Variants in TMPRSS15 observed in about 807,000 individuals in gnomAD.
The protein encoded by TMPRSS15 is enteropeptidase.
Under a neutral mutation model 125.3 loss-of-function variants are expected in TMPRSS15, and 128 were observed. That is an observed-to-expected ratio of 1.02 (90% CI 0.89 to 1.18). The LOEUF (loss-of-function observed/expected upper bound fraction) is 1.18, where lower values mean the gene tolerates loss of function less well. Ranked by LOEUF, TMPRSS15 falls within the 50% of genes most tolerant of loss-of-function variation. The pLI is 0.00. For missense variants in TMPRSS15, 1,283 were observed against 1,212.7 expected, an observed-to-expected ratio of 1.06 and a Z score of -0.86; for synonymous variants, 446 against 423.2, an observed-to-expected ratio of 1.05 and a Z score of -0.66.
chr21:18,456,195 G>A (rs1368952385), intron 1 of TMPRSS15, among the ~76,000 whole-genome samples: 1 of 152,218 alleles, frequency 6.6e-6, no homozygotes, highest in East Asian at 1.9e-4. Context: ...AATTTAAGTA[G>A]TGAGTAAAAT....
At chr21:18,338,396 C>G (rs1034218445) in intron 13 of TMPRSS15, among the ~76,000 whole-genome samples, 17 of 152,096 alleles carry the variant, frequency 1.1e-4, no homozygotes, top group Non-Finnish European at 2.5e-4. Context: ...CAAAATGTTG[C>G]TGATATTTGG....
chr21:18,396,853 A>ATCT (rs1569055772), intron 3 of TMPRSS15, among the ~76,000 whole-genome samples: 4 of 107,770 alleles, frequency 3.7e-5, no homozygotes, highest in Non-Finnish European at 7.6e-5. Context: ...TATCTATCTT[A>ATCT]AGTCACAAAA....
intron 23 of TMPRSS15, among the ~76,000 whole-genome samples, chr21:18,276,387 G>C (rs1032326453): frequency 6.6e-6 from 1 of 152,140 alleles, no homozygotes; most frequent in African/African-American, 2.4e-5. Context: ...AGTGAACATG[G>C]AGTAAACATT....
At chr21:18,307,622 C>A (rs1242232153) in intron 18 of TMPRSS15, among the ~76,000 whole-genome samples, 1 of 152,002 alleles carries the variant, frequency 6.6e-6, no homozygotes, top group Non-Finnish European at 1.5e-5. Flanking sequence ...GGAACACATA[C>A]AATATCATCA....
rs746007866 is a variant in TMPRSS15 at position 18,353,737 on chromosome 21, C to T, written c.1007G>A (p.Ser336Asn). Residue 336 changes from serine to asparagine, a missense_variant, in exon 9 of 25, where the codon AGC becomes AAC. Ser to Asn is a conservative substitution (Grantham distance 46). Transcript: ENST00000284885. ...GFNATYTAFN[S>N]SELNNYEKIN... ...ATAATACTTACTATTAAGCTCACTG[C>T]TGTTAAATGCAGTATATGTTGCATT... is the stretch of plus-strand genomic sequence containing the variant. 3.7e-6 allele frequency: 6 copies of T among 1,610,760 alleles called. No individual in the cohort carries two copies. The highest frequency in any genetic ancestry group is 1.1e-5 in the South Asian group (1 of 90,900).
At chr21:18,419,220 CTTTTTTT>C (rs540004490) in intron 1 of TMPRSS15, among the ~76,000 whole-genome samples, 2 of 108,618 alleles carry the variant, frequency 1.8e-5, no homozygotes, top group African/African-American at 3.5e-5. Context: ...GACATTTCCT[CTTTTTTT>C]TTTTTTTTTT....
At chr21:18,428,295 A>C (rs2076208149) in intron 1 of TMPRSS15, among the ~76,000 whole-genome samples, 1 of 152,222 alleles carries the variant, frequency 6.6e-6, no homozygotes, top group Non-Finnish European at 1.5e-5. Flanking sequence ...GAAGCTGAGC[A>C]TAAAAGTTTG....
Position 18,312,222 on chromosome 21 carries a change from C to G in TMPRSS15, c.2165+723G>C, listed in dbSNP as rs192287671. Among the ~76,000 whole-genome samples, 47 of 152,048 alleles carry G rather than the reference C, an allele frequency of 3.1e-4. No homozygotes were observed. In the Middle Eastern group the frequency reaches 0.01, roughly 33 times the overall value. On this transcript the variant is annotated intron_variant, in intron 18 of 24. Coordinates refer to ENST00000284885, the MANE Select transcript of TMPRSS15 (RefSeq NM_002772.3). ...GTATGTTATTACTGCTCATTACTTT[C>G]ATTTTCTACCTAATTACTTAATTAC...
At chr21:18,272,383 T>C (rs942810806) in intron 24 of TMPRSS15, among the ~76,000 whole-genome samples, 6 of 152,302 alleles carry the variant, frequency 3.9e-5, no homozygotes, top group Admixed American at 3.9e-4. Context: ...AGTGAAGATA[T>C]TAATATTTCA....
intron 12 of TMPRSS15, among the ~76,000 whole-genome samples, chr21:18,342,158 T>G (rs555730357): frequency 6.6e-6 from 1 of 152,248 alleles, no homozygotes; most frequent in East Asian, 1.9e-4. Context: ...TGGCCAGAGG[T>G]AACATATTAG....
At chr21:18,296,071 G>A (rs1022004736) in intron 19 of TMPRSS15, among the ~76,000 whole-genome samples, 2 of 152,058 alleles carry the variant, frequency 1.3e-5, no homozygotes, top group Non-Finnish European at 2.9e-5. Flanking sequence ...GAGAATGGTG[G>A]GAACTTGGGA....
At chr21:18,420,781 A>G (rs1222274315) in intron 1 of TMPRSS15, among the ~76,000 whole-genome samples, 1 of 152,206 alleles carries the variant, frequency 6.6e-6, no homozygotes, top group African/African-American at 2.4e-5. Context: ...TACTCAGATA[A>G]GAGGTATCAC....
rs777338550 is a variant in TMPRSS15 at position 18,372,328 on chromosome 21, T to C, written c.533-4A>G. 9.3e-6 allele frequency: 15 copies of C among 1,612,096 alleles called. No homozygotes were observed. In the African/African-American group the frequency reaches 1.7e-4, roughly 19 times the overall value. On this transcript the variant is annotated splice_polypyrimidine_tract_variant and splice_region_variant and intron_variant, in intron 5 of 24. Coordinates refer to ENST00000284885, the MANE Select transcript of TMPRSS15 (RefSeq NM_002772.3). ...AGGCACTCTATTGAGACATTTCCTTTAAAAAATAACTGAAATTAATTTCCA... is the reference window on the plus strand; with the variant it reads ...AGGCACTCTATTGAGACATTTCCTTCAAAAAATAACTGAAATTAATTTCCA...
intron 7 of TMPRSS15, 131 bp downstream of exon 7, chr21:18,365,009 T>C (rs746278924): frequency 7.7e-5 from 57 of 739,434 alleles, no homozygotes; most frequent in Non-Finnish European, 1.2e-4. Flanking sequence ...GTACAGTTTT[T>C]CAGTTGGGAG....
intron 1 of TMPRSS15, among the ~76,000 whole-genome samples, chr21:18,476,246 A>T (rs1978877780): frequency 6.6e-6 from 1 of 152,188 alleles, no homozygotes; most frequent in Non-Finnish European, 1.5e-5. Context: ...ATGTCCTTCT[A>T]AGTGGGATTT....
Position 18,418,155 on chromosome 21 carries a change from A to C in TMPRSS15, c.11-19826T>G, listed in dbSNP as rs567920994. Reference sequence around the variant, plus strand: ...TGAAACTTCTCTGTCTCTTCCAAACAGGCTCTCTCCTATGGTTTCATTTCA... The same window carrying C: ...TGAAACTTCTCTGTCTCTTCCAAACCGGCTCTCTCCTATGGTTTCATTTCA... On this transcript the variant is annotated intron_variant, in intron 1 of 7. Coordinates refer to the TMPRSS15 transcript ENST00000422787. Among the ~76,000 whole-genome samples the C allele has an allele frequency of 7.2e-5, 11 of 152,314 alleles. No individual in the cohort carries two copies. In the South Asian group the frequency reaches 1.2e-3, roughly 17 times the overall value.
upstream of TMPRSS15, among the ~76,000 whole-genome samples, chr21:18,405,332 T>A (rs2076143452): frequency 6.6e-6 from 1 of 152,174 alleles, no homozygotes; most frequent in African/African-American, 2.4e-5. Flanking sequence ...ATAATTATAT[T>A]TAGTATCAAG....
chr21:18,346,085 T>C (rs2075505960), intron 10 of TMPRSS15, among the ~76,000 whole-genome samples: 1 of 152,100 alleles, frequency 6.6e-6, no homozygotes, highest in African/African-American at 2.4e-5. Context: ...TATTATTGAA[T>C]ATAGTAAAAT....
chr21:18,373,385 G>A (rs957983349), intron 5 of TMPRSS15, among the ~76,000 whole-genome samples: 3 of 151,866 alleles, frequency 2.0e-5, no homozygotes, highest in African/African-American at 4.8e-5. Flanking sequence ...TAAAATTATA[G>A]GACAGAGTAA....
Sources: allele counts gnomAD v4.1 joint callset (sites outside exome capture counted in the v4.1 genomes callset), GRCh38; gene constraint gnomAD v4.1.1; transcripts MANE v1.5; gene names NCBI Gene and HGNC (gene_info 2026-07-23, HGNC 2026-07-21).